Variants in SAE1 observed in about 807,000 individuals in gnomAD.
SAE1 encodes the protein SUMO1 activating enzyme subunit 1.
A neutral mutation model predicts 40.6 loss-of-function variants in SAE1; 11 were observed. The observed-to-expected ratio is 0.27, with a 90% CI of 0.17 to 0.45. SAE1 has a LOEUF of 0.45. Among genes scored for constraint, SAE1 ranks in the 20% least tolerant of loss-of-function variants. The pLI is 1.00. For synonymous variants in SAE1, 155 were observed against 154.3 expected, an observed-to-expected ratio of 1.00 and a Z score of -0.03; for missense variants, 373 against 427.3, an observed-to-expected ratio of 0.87 and a Z score of 1.12.
intron 1 of SAE1, among the ~76,000 whole-genome samples, chr19:47,142,182 G>A (rs186681217): frequency 4.6e-5 from 7 of 152,072 alleles, no homozygotes; most frequent in Non-Finnish European, 8.8e-5. Flanking sequence ...TCAGGGGTTC[G>A]AGACCAGCCT....
chr19:47,159,738 G>T (rs1319511382), intron 5 of SAE1, among the ~76,000 whole-genome samples: 1 of 152,070 alleles, frequency 6.6e-6, no homozygotes, highest in Non-Finnish European at 1.5e-5. Context: ...GTGTCACCCA[G>T]GCTGGAGTGC....
rs1372838082 is a variant in SAE1 at position 47,169,857 on chromosome 19, G to T, written c.667G>T (p.Asp223Tyr). The stretch of plus-strand genomic sequence containing the variant: ...CCCTGTTAAAGAAGCCCTGGAGGTG[G>T]ACTGGAGCAGTGAGAAAGCAAAGGC... ...FCPVKEALEV[D>Y]WSSEKAKAAL... Residue 223 changes from aspartate (D) to tyrosine (Y), a missense_variant, in exon 6 of 9, where the codon GAC (aspartate) becomes TAC (tyrosine). Physicochemically the swap from Asp to Tyr is radical, Grantham distance 160. This residue lies in a region of SAE1 where 351 missense variants were observed against 390.6 expected (regional missense o/e 0.90). Transcript: ENST00000270225. 1 of 1,614,190 alleles carries T rather than the reference G, an allele frequency of 6.2e-7. No individual in the cohort carries two copies. The highest frequency in any genetic ancestry group is 1.7e-5 in the Admixed American group (1 of 60,024).
chr19:47,157,463 T>C (rs976926089), intron 5 of SAE1, among the ~76,000 whole-genome samples: 4 of 152,214 alleles, frequency 2.6e-5, no homozygotes, highest in African/African-American at 9.7e-5. Context: ...TTTTATGGCT[T>C]AAGGGCCTTC....
chr19:47,202,582 G>A (rs1186928158), intron 7 of SAE1, among the ~76,000 whole-genome samples: 1 of 150,552 alleles, frequency 6.6e-6, no homozygotes, highest in East Asian at 2.0e-4. Context: ...CACTGAGCCC[G>A]CCCTAATTAT....
chr19:47,160,859 T>C (rs1430140211), intron 5 of SAE1, among the ~76,000 whole-genome samples: 1 of 152,112 alleles, frequency 6.6e-6, no homozygotes, highest in Non-Finnish European at 1.5e-5. Context: ...TCAGAACTAC[T>C]TGGTTCAAAG....
intron 6 of SAE1, among the ~76,000 whole-genome samples, chr19:47,195,665 C>G (rs2058609083): frequency 6.6e-6 from 1 of 151,754 alleles, no homozygotes; most frequent in Non-Finnish European, 1.5e-5. Context: ...GTCCCTTCCC[C>G]TTTCCCTTTC....
At chr19:47,133,081 A>G (rs1291047510) in intron 1 of SAE1, among the ~76,000 whole-genome samples, 1 of 152,170 alleles carries the variant, frequency 6.6e-6, no homozygotes, top group African/African-American at 2.4e-5. Flanking sequence ...AGCAAGTGCA[A>G]ATTCCCAGAG....
At chr19:47,189,659 C>G (rs1269006659) in intron 6 of SAE1, among the ~76,000 whole-genome samples, 9 of 152,102 alleles carry the variant, frequency 5.9e-5, no homozygotes, top group Non-Finnish European at 1.3e-4. Context: ...GTGTCTGGCA[C>G]AGAAAAGCTT....
intron 6 of SAE1, among the ~76,000 whole-genome samples, chr19:47,176,473 A>G (rs1488386240): frequency 6.6e-6 from 1 of 152,248 alleles, no homozygotes; most frequent in Non-Finnish European, 1.5e-5. Context: ...TAGGTGCTCA[A>G]TAAATAAATA....
At chr19:47,155,805 A>G (rs1283724061) in intron 5 of SAE1, among the ~76,000 whole-genome samples, 3 of 143,120 alleles carry the variant, frequency 2.1e-5, no homozygotes, top group South Asian at 4.5e-4. Context: ...GAGTGGCACA[A>G]TCTCAGCTCA....
rs531266648 is a variant in SAE1 at position 47,201,003 on chromosome 19, A to G, written c.879-2668A>G. 9.2e-5 allele frequency among the ~76,000 whole-genome samples: 14 copies of G among 151,756 alleles called. No homozygotes were observed. In the South Asian group the frequency reaches 2.1e-3, roughly 23 times the overall value. ...CTCCTGAGTAGCTGGGATTACGGGC[A>G]TACGCCACCATGCCCAGCTATTTTT... is the stretch of plus-strand genomic sequence containing the variant. On this transcript the variant is annotated intron_variant, in intron 7 of 8. Transcript: ENST00000270225.
chr19:47,138,563 T>C (rs555142967), intron 1 of SAE1, among the ~76,000 whole-genome samples: 1 of 152,358 alleles, frequency 6.6e-6, no homozygotes, highest in Admixed American at 6.5e-5. Flanking sequence ...TTTGTTTTGG[T>C]GTGTCTATTA....
chr19:47,141,664 C>T (rs1338119363), intron 1 of SAE1, among the ~76,000 whole-genome samples: 1 of 151,848 alleles, frequency 6.6e-6, no homozygotes, highest in Non-Finnish European at 1.5e-5. Context: ...CGTAGGTAGG[C>T]ATTGAGAGGA....
intron 6 of SAE1, among the ~76,000 whole-genome samples, chr19:47,175,463 G>A (rs930712934): frequency 6.6e-5 from 10 of 152,112 alleles, no homozygotes; most frequent in Admixed American, 2.6e-4. Flanking sequence ...TAGTCTGGGC[G>A]CGGTGGCTTA....
intron 5 of SAE1, among the ~76,000 whole-genome samples, chr19:47,161,041 G>T (rs367624193): frequency 1.3e-5 from 2 of 152,048 alleles, no homozygotes; most frequent in Admixed American, 6.6e-5. Context: ...TAACTCTGTA[G>T]CCCAGGCTGG....
chr19:47,184,340 CCA>C (rs1014275206), intron 6 of SAE1, among the ~76,000 whole-genome samples: 2 of 152,108 alleles, frequency 1.3e-5, no homozygotes, highest in African/African-American at 4.8e-5. Context: ...CTCCTAAGCC[CCA>C]GTTTTCCTAC....
At chr19:47,178,254 A>G (rs1479259918) in intron 6 of SAE1, among the ~76,000 whole-genome samples, 2 of 152,048 alleles carry the variant, frequency 1.3e-5, no homozygotes, top group Non-Finnish European at 1.5e-5. Flanking sequence ...AAAAAAAAAA[A>G]GAAATCTATC....
At chr19:47,185,094 T>C (rs1406294547) in intron 6 of SAE1, among the ~76,000 whole-genome samples, 1 of 151,976 alleles carries the variant, frequency 6.6e-6, no homozygotes, top group East Asian at 1.9e-4. Context: ...ACTGGGATTA[T>C]AGGCGTACTT....
chr19:47,200,144 A>C (rs1475488179), intron 7 of SAE1, among the ~76,000 whole-genome samples: 3 of 151,336 alleles, frequency 2.0e-5, no homozygotes, highest in Non-Finnish European at 2.9e-5. Context: ...TGTGTTAGCC[A>C]GGATGGTCTT....
Sources: allele counts gnomAD v4.1 joint callset (sites outside exome capture counted in the v4.1 genomes callset), GRCh38; gene constraint gnomAD v4.1.1; regional missense constraint gnomAD v4.1.1; transcripts MANE v1.5; gene names NCBI Gene and HGNC (gene_info 2026-07-23, HGNC 2026-07-21).